The following PCDH15 variants were observed in gnomAD, a reference collection of about 807,000 sequenced individuals.
The protein encoded by PCDH15 is protocadherin-15.
Under a neutral mutation model 178.5 loss-of-function variants are expected in PCDH15, and 129 were observed. The ratio of observed to expected loss-of-function variants is 0.72; its 90% CI spans 0.63 to 0.84. The LOEUF (loss-of-function observed/expected upper bound fraction) is 0.84. Among genes scored for constraint, PCDH15 ranks in the 40% least tolerant of loss-of-function variants. The pLI is 0.00. For missense variants in PCDH15, 2,230 were observed against 2,099.9 expected (o/e 1.06, Z -1.21); for synonymous variants, 800 against 732.0 (o/e 1.09, Z -1.50).
At chr10:55,306,036 G>T (rs1460894803) in intron 1 of PCDH15, among the ~76,000 whole-genome samples, 2 of 151,986 alleles carry the variant, frequency 1.3e-5, no homozygotes, top group Admixed American at 1.3e-4. Context: ...AATTAACATT[G>T]AATTTACCAA....
intron 15 of PCDH15, among the ~76,000 whole-genome samples, chr10:54,117,381 G>A (rs1052032664): frequency 1.3e-5 from 2 of 152,116 alleles, no homozygotes; most frequent in Admixed American, 1.3e-4. Context: ...AGGAACTGCA[G>A]AACCCCAAGG....
At chr10:54,585,215 T>C (rs2091365646) in intron 2 of PCDH15, among the ~76,000 whole-genome samples, 1 of 152,078 alleles carries the variant, frequency 6.6e-6, no homozygotes, top group African/African-American at 2.4e-5. Context: ...ACAATTCAAA[T>C]ATAAGCTGAA....
intron 2 of PCDH15, among the ~76,000 whole-genome samples, chr10:55,115,903 G>A (rs1245120421): frequency 6.6e-6 from 1 of 152,140 alleles, no homozygotes; most frequent in Admixed American, 6.5e-5. Context: ...AGAATATATA[G>A]TAATTTAGCT....
intron 2 of PCDH15, among the ~76,000 whole-genome samples, chr10:54,934,773 T>C (rs565171022): frequency 6.6e-6 from 1 of 151,752 alleles, no homozygotes; most frequent in African/African-American, 2.4e-5. Context: ...TAAAGACACA[T>C]GCACACGTAT....
rs1470333410 is a variant in PCDH15 at position 54,238,710 on chromosome 10, C to CACACAA, written c.877-1780_877-1779insTTGTGT. ...ACACACACACACACACACACACACA[C>CACACAA]ACACTTTCCCAATAATCAATTTGCT... On this transcript the variant is annotated intron_variant, in intron 8 of 37. Coordinates refer to ENST00000644397, the MANE Select transcript of PCDH15 (RefSeq NM_001384140.1). Among the ~76,000 whole-genome samples, 663 of 150,324 alleles carry CACACAA rather than the reference C, an allele frequency of 4.4e-3. 2 individuals carry two copies. The highest frequency in any genetic ancestry group is 0.013 in the African/African-American group (547 of 40,586).
chr10:55,309,300 G>C (rs888502559), intron 1 of PCDH15, among the ~76,000 whole-genome samples: 2 of 152,058 alleles, frequency 1.3e-5, no homozygotes, highest in African/African-American at 4.8e-5. Context: ...AGAATCGCTG[G>C]AAGCCAGGAG....
At chr10:53,978,657 G>GTT (rs3066397) in intron 21 of PCDH15, among the ~76,000 whole-genome samples, 5 of 143,230 alleles carry the variant, frequency 3.5e-5, no homozygotes, top group Admixed American at 1.4e-4. Context: ...TCCAGAAAAT[G>GTT]TTTTTTTTTT....
chr10:54,041,128 G>A (rs1265857303), intron 18 of PCDH15, among the ~76,000 whole-genome samples: 1 of 152,120 alleles, frequency 6.6e-6, no homozygotes, highest in Non-Finnish European at 1.5e-5. Flanking sequence ...AGATGCCAAT[G>A]CAGTGCCACA....
intron 1 of PCDH15, among the ~76,000 whole-genome samples, chr10:54,717,132 T>C (rs376792169): frequency 0.18 from 23,307 of 129,468 alleles, 3,183 homozygotes; most frequent in African/African-American, 0.28. Context: ...AAGACTTAAA[T>C]GTTAGACCTA....
chr10:54,144,237 T>C (rs1564524457), intron 14 of PCDH15, among the ~76,000 whole-genome samples: 1 of 152,166 alleles, frequency 6.6e-6, no homozygotes, highest in East Asian at 1.9e-4. Flanking sequence ...GACAACCAGT[T>C]TCCCCATGAT....
chr10:54,525,323 C>G (rs2083267952), intron 3 of PCDH15, among the ~76,000 whole-genome samples: 1 of 152,150 alleles, frequency 6.6e-6, no homozygotes, highest in African/African-American at 2.4e-5. Context: ...AAAGAAGCTT[C>G]AAAGCCTTTA....
At chr10:54,996,094 GT>G (rs1839636874) in intron 2 of PCDH15, among the ~76,000 whole-genome samples, 2 of 152,224 alleles carry the variant, frequency 1.3e-5, no homozygotes, top group Admixed American at 1.3e-4. Context: ...ACAGATTTTG[GT>G]TTCCTGGCCA....
chr10:54,703,578 A>G (rs1472001028), intron 1 of PCDH15, among the ~76,000 whole-genome samples: 2 of 152,064 alleles, frequency 1.3e-5, no homozygotes, highest in African/African-American at 4.8e-5. Context: ...ATTTCTATAC[A>G]CTAACAACAT....
chr10:53,969,722 G>T (rs2089469304), intron 21 of PCDH15, among the ~76,000 whole-genome samples: 1 of 152,174 alleles, frequency 6.6e-6, no homozygotes, highest in Admixed American at 6.5e-5. Flanking sequence ...TTAAAGAAAA[G>T]AATTTTCAAC....
At chr10:53,918,394 G>A (rs2083707083) in intron 25 of PCDH15, among the ~76,000 whole-genome samples, 1 of 152,126 alleles carries the variant, frequency 6.6e-6, no homozygotes, top group African/African-American at 2.4e-5. Context: ...TCTCTCCCTA[G>A]TTAAAACAAG....
At chr10:55,112,281 A>C (rs1053472099) in intron 2 of PCDH15, among the ~76,000 whole-genome samples, 2 of 152,160 alleles carry the variant, frequency 1.3e-5, no homozygotes, top group African/African-American at 4.8e-5. Context: ...CCTTTATTAA[A>C]AAGAAAAACA....
chr10:54,946,227 C>A (rs1396665415), intron 2 of PCDH15, among the ~76,000 whole-genome samples: 1 of 151,722 alleles, frequency 6.6e-6, no homozygotes, highest in Non-Finnish European at 1.5e-5. Flanking sequence ...TATCACAGCC[C>A]AGGGTATAGG....
chr10:55,360,009 A>G (rs910369078), intron 2 of PCDH15, among the ~76,000 whole-genome samples: 26 of 151,806 alleles, frequency 1.7e-4, no homozygotes, highest in African/African-American at 5.8e-4. Context: ...ATGAAGACAC[A>G]TTGGTTAAAG....
chr10:55,204,626 G>C (rs1207120944), intron 1 of PCDH15, among the ~76,000 whole-genome samples: 2 of 152,026 alleles, frequency 1.3e-5, no homozygotes, highest in Admixed American at 6.5e-5. Flanking sequence ...ATCTAAATTT[G>C]CAAAGGCTGG....
Sources: gnomAD v4.1 joint callset for allele counts (sites outside exome capture counted in the v4.1 genomes callset) on GRCh38, gnomAD v4.1.1 for gene constraint, MANE v1.5 for transcripts, NCBI Gene and HGNC (gene_info 2026-07-23, HGNC 2026-07-21) for gene names.